Variants in RYR2 observed in about 807,000 individuals in gnomAD.
RYR2 encodes the protein ryanodine receptor 2.
In RYR2, 227 loss-of-function variants were observed where a neutral mutation model predicts 601.1. That is an observed-to-expected ratio of 0.38 (90% CI 0.34 to 0.42). The LOEUF (loss-of-function observed/expected upper bound fraction) is 0.42, where lower values mean the gene tolerates loss of function less well. RYR2 is among the 10% of genes least tolerant of loss of function. The pLI, the probability that RYR2 is intolerant of heterozygous loss-of-function variation, is 1.00. For missense variants in RYR2, 4,646 were observed against 6,156.5 expected (o/e 0.75, Z 8.21); for synonymous variants, 2,223 against 2,175.1 (o/e 1.02, Z -0.61).
At position 237,101,312 on chromosome 1, in the gene RYR2, A is replaced by AC. The variant is rs571239738; in HGVS notation, c.48+58743_48+58744insC. On this transcript the variant is annotated intron_variant, in intron 1 of 104. Transcript: ENST00000366574. ...CTTTTTAGAAGTTAAAAAAAAAAAA[A>AC]AAAAAAAAAAAACCTCACAAACAAG... Among the ~76,000 whole-genome samples, 37 of 130,870 alleles carry AC rather than the reference A, an allele frequency of 2.8e-4. 1 individual carries two copies. Among genetic ancestry groups the AC allele is most frequent in the Middle Eastern group, 8.1e-3 (2 of 248 alleles). The allele number at this position is 130,870 out of a possible 152,430, so 85.9% of individuals were successfully genotyped here. A position where few individuals can be genotyped will look rare whatever the true frequency, so the allele number is the denominator to read the frequency against.
At chr1:237,098,801 G>A (rs912778604) in intron 1 of RYR2, among the ~76,000 whole-genome samples, 1 of 152,178 alleles carries the variant, frequency 6.6e-6, no homozygotes, top group South Asian at 2.1e-4. Flanking sequence ...TGGTCACAAG[G>A]ATACAAAGTT....
intron 10 of RYR2, among the ~76,000 whole-genome samples, chr1:237,416,270 G>C (rs1218487098): frequency 6.6e-6 from 1 of 152,130 alleles, no homozygotes; most frequent in Non-Finnish European, 1.5e-5. Flanking sequence ...GCTTTCATGT[G>C]TTTACATAAG....
chr1:237,725,133 A>T (rs1690087230), intron 74 of RYR2, among the ~76,000 whole-genome samples: 1 of 152,160 alleles, frequency 6.6e-6, no homozygotes, highest in South Asian at 2.1e-4. Flanking sequence ...AAAGTATAGA[A>T]GCAACCCATA....
intron 1 of RYR2, among the ~76,000 whole-genome samples, chr1:237,165,338 T>C (rs1676582758): frequency 6.6e-6 from 1 of 152,210 alleles, no homozygotes. Context: ...AACAAGTTCA[T>C]GGGCAGACTC....
rs550277927 is a variant in RYR2, at chr1:237,324,340, T to C, written c.169-6538T>C. Among the ~76,000 whole-genome samples the C allele has an allele frequency of 1.8e-4, 28 of 152,312 alleles. No homozygotes were observed. The South Asian group carries it at 5.8e-3, about 32-fold the overall frequency. On this transcript the variant is annotated intron_variant, in intron 2 of 104. Coordinates refer to ENST00000366574, the MANE Select transcript of RYR2 (RefSeq NM_001035.3). ...CCACCACTTTATCTTTCGGAGGACATAGAATTTGATATCTCCATCATTTGG... is the reference window on the plus strand; with the variant it reads ...CCACCACTTTATCTTTCGGAGGACACAGAATTTGATATCTCCATCATTTGG...
intron 27 of RYR2, among the ~76,000 whole-genome samples, chr1:237,565,169 TTCTTTCTTTCTTTC>T (rs1671882549): frequency 1.3e-4 from 3 of 23,990 alleles, no homozygotes; most frequent in South Asian, 2.8e-3. Context: ...CTTTCTTTCT[TTCTTTCTTTCTTTC>T]TTTCTTTCTT....
At chr1:237,352,368 A>T (rs1345880855) in intron 3 of RYR2, among the ~76,000 whole-genome samples, 2 of 152,250 alleles carry the variant, frequency 1.3e-5, no homozygotes, top group Non-Finnish European at 2.9e-5. Flanking sequence ...GAAACAACAC[A>T]TACCTAGGAA....
chr1:237,541,798 A>T (rs949075124), intron 25 of RYR2, among the ~76,000 whole-genome samples: 2 of 151,704 alleles, frequency 1.3e-5, no homozygotes, highest in African/African-American at 4.8e-5. Context: ...TCAGTGGGGG[A>T]GCTTTTTGAG....
chr1:237,699,485 G>A (rs1687775602), intron 64 of RYR2, among the ~76,000 whole-genome samples: 1 of 152,142 alleles, frequency 6.6e-6, no homozygotes, highest in Non-Finnish European at 1.5e-5. Context: ...TTTCTACTCT[G>A]CCCTGTCAAC....
chr1:237,216,397 G>A (rs2149116534), intron 1 of RYR2, among the ~76,000 whole-genome samples: 1 of 152,196 alleles, frequency 6.6e-6, no homozygotes, highest in South Asian at 2.1e-4. Context: ...AGAAAAGTGA[G>A]GATTCCAAGC....
At chr1:237,407,800 T>C (rs1020496814) in intron 10 of RYR2, among the ~76,000 whole-genome samples, 1 of 151,956 alleles carries the variant, frequency 6.6e-6, no homozygotes, top group African/African-American at 2.4e-5. Context: ...GTGTTTTTAG[T>C]AGAGATGGGG....
intron 88 of RYR2, among the ~76,000 whole-genome samples, chr1:237,780,526 A>T (rs532840128): frequency 6.6e-6 from 1 of 152,358 alleles, no homozygotes; most frequent in East Asian, 1.9e-4. Context: ...TTTAAAGAAT[A>T]GTTTAAAAAA....
At chr1:237,639,934 A>T (rs1452738857) in intron 46 of RYR2, among the ~76,000 whole-genome samples, 1 of 152,102 alleles carries the variant, frequency 6.6e-6, no homozygotes, top group Non-Finnish European at 1.5e-5. Context: ...TTTTACATAT[A>T]AACTGGGCAT....
At chr1:237,601,431 G>A (rs1483467521) in intron 34 of RYR2, among the ~76,000 whole-genome samples, 2 of 152,132 alleles carry the variant, frequency 1.3e-5, no homozygotes, top group Non-Finnish European at 2.9e-5. Context: ...AGACTGGGAA[G>A]GGTAGGTGAA....
intron 56 of RYR2, among the ~76,000 whole-genome samples, chr1:237,665,656 G>C (rs1249544786): frequency 6.6e-6 from 1 of 152,172 alleles, no homozygotes; most frequent in Non-Finnish European, 1.5e-5. Context: ...ATGGTGAAAG[G>C]CACAGAAGCC....
chr1:237,787,827 T>C (rs933257703), intron 91 of RYR2, 161 bp from the exon 92 acceptor site: 1 of 686,876 alleles, frequency 1.5e-6, no homozygotes, highest in African/African-American at 1.8e-5. Context: ...ATCCTACCCC[T>C]GATTCTAAAA....
intron 20 of RYR2, 85 bp downstream of exon 20, chr1:237,496,837 G>A (rs1309304126): frequency 1.9e-5 from 28 of 1,477,488 alleles, no homozygotes; most frequent in Non-Finnish European, 2.6e-5. Flanking sequence ...GCTTCCATTA[G>A]GTACTTCTAT....
At chr1:237,582,939 T>C (rs73095845) in intron 29 of RYR2, among the ~76,000 whole-genome samples, 20 of 150,554 alleles carry the variant, frequency 1.3e-4, no homozygotes, top group Admixed American at 2.7e-4. Context: ...TATATATATA[T>C]ACCCAGTAAT....
At chr1:237,391,383 G>T (rs1444387421) in intron 10 of RYR2, among the ~76,000 whole-genome samples, 2 of 152,094 alleles carry the variant, frequency 1.3e-5, no homozygotes, top group Admixed American at 1.3e-4. Flanking sequence ...TGGGAAATAT[G>T]TAAAAAAAAT....
Sources: allele counts gnomAD v4.1 joint callset (sites outside exome capture counted in the v4.1 genomes callset), GRCh38; gene constraint gnomAD v4.1.1; transcripts MANE v1.5; gene names NCBI Gene and HGNC (gene_info 2026-07-23, HGNC 2026-07-21).